EYS: variants seen among roughly 807,000 people sequenced by gnomAD.
EYS encodes the protein protein eyes shut homolog.
A neutral mutation model predicts 282.1 loss-of-function variants in EYS; 250 were observed. That is an observed-to-expected ratio of 0.89 (90% CI 0.80 to 0.98). EYS has a LOEUF of 0.98. Ranked by LOEUF, EYS falls within the 50% of genes least tolerant of loss-of-function variation. The pLI is 0.00. For synonymous variants in EYS, 1,355 were observed against 1,282.9 expected, an observed-to-expected ratio of 1.06 and a Z score of -1.20; for missense variants, 4,016 against 3,709.0, an observed-to-expected ratio of 1.08 and a Z score of -2.15.
At chr6:64,933,901 A>G (rs1163025842) in intron 15 of EYS, among the ~76,000 whole-genome samples, 1 of 152,102 alleles carries the variant, frequency 6.6e-6, no homozygotes, top group Non-Finnish European at 1.5e-5. Flanking sequence ...CAAACACTGC[A>G]TGTTCTCACT....
chr6:64,636,061 A>T (rs1406447197), intron 22 of EYS, among the ~76,000 whole-genome samples: 2 of 152,112 alleles, frequency 1.3e-5, no homozygotes, highest in Admixed American at 6.5e-5. Context: ...GCTATCAATG[A>T]CTTTATTCAC....
At chr6:64,044,423 T>G (rs1334888893) in intron 33 of EYS, among the ~76,000 whole-genome samples, 3 of 152,180 alleles carry the variant, frequency 2.0e-5, no homozygotes, top group Non-Finnish European at 4.4e-5. Flanking sequence ...TAAAATGTGA[T>G]GAAGGCTAAA....
intron 9 of EYS, among the ~76,000 whole-genome samples, chr6:65,348,556 C>G (rs1370435496): frequency 6.6e-6 from 1 of 151,492 alleles, no homozygotes; most frequent in Non-Finnish European, 1.5e-5. Flanking sequence ...TTTCCCATTT[C>G]TAAAAATCAT....
chr6:64,925,606 T>A (rs1768490098), intron 15 of EYS, among the ~76,000 whole-genome samples: 1 of 152,162 alleles, frequency 6.6e-6, no homozygotes, highest in Admixed American at 6.5e-5. Flanking sequence ...GAAGTAGATC[T>A]TAAGGCCAGA....
chr6:64,628,386 T>C (rs557472512), intron 22 of EYS, among the ~76,000 whole-genome samples: 127 of 152,120 alleles, frequency 8.3e-4, no homozygotes, highest in Non-Finnish European at 1.3e-3. Flanking sequence ...CATAAATTGT[T>C]CTTCAAAAAT....
intron 32 of EYS, among the ~76,000 whole-genome samples, chr6:64,081,472 A>C (rs1771965656): frequency 6.6e-6 from 1 of 152,206 alleles, no homozygotes; most frequent in Admixed American, 6.5e-5. Context: ...CTTGATTGTC[A>C]AATGAACCCC....
chr6:65,273,670 C>A (rs1184683687), intron 12 of EYS, among the ~76,000 whole-genome samples: 1 of 152,156 alleles, frequency 6.6e-6, no homozygotes, highest in Non-Finnish European at 1.5e-5. Context: ...GTTTTCCTTG[C>A]AATGCAGCTA....
chr6:65,315,530 A>C (rs1340683327), intron 11 of EYS, among the ~76,000 whole-genome samples: 1 of 151,774 alleles, frequency 6.6e-6, no homozygotes, highest in Admixed American at 6.6e-5. Flanking sequence ...ACTTTCTATA[A>C]ATGAAATCAT....
intron 13 of EYS, among the ~76,000 whole-genome samples, chr6:65,045,412 T>C (rs965551598): frequency 1.3e-5 from 2 of 151,916 alleles, no homozygotes; most frequent in African/African-American, 4.8e-5. Context: ...AATTTTTATG[T>C]TGAAATCTGA....
At chr6:64,534,012 G>T (rs1393111801) in intron 26 of EYS, among the ~76,000 whole-genome samples, 1 of 151,822 alleles carries the variant, frequency 6.6e-6, no homozygotes, top group Non-Finnish European at 1.5e-5. Context: ...AGTTGTTGGG[G>T]CAGGGGTGGG....
intron 13 of EYS, among the ~76,000 whole-genome samples, chr6:65,012,543 A>G (rs921421554): frequency 3.3e-5 from 5 of 152,194 alleles, no homozygotes; most frequent in African/African-American, 1.2e-4. Context: ...GGATAAAGGT[A>G]TAACACAAAG....
chr6:64,052,834 C>A (rs1770855975), intron 33 of EYS, among the ~76,000 whole-genome samples: 1 of 152,096 alleles, frequency 6.6e-6, no homozygotes, highest in Non-Finnish European at 1.5e-5. Flanking sequence ...CTTCTGCCAC[C>A]CTGCGAAGAG....
chr6:64,137,218 G>C (rs975919236), intron 31 of EYS, among the ~76,000 whole-genome samples: 1 of 152,030 alleles, frequency 6.6e-6, no homozygotes, highest in Admixed American at 6.6e-5. Flanking sequence ...TAGAGTTGAA[G>C]AGAGTTAGGC....
chr6:65,680,739 C>A (rs909687135), intron 1 of EYS, among the ~76,000 whole-genome samples: 2 of 151,868 alleles, frequency 1.3e-5, no homozygotes, highest in African/African-American at 4.8e-5. Context: ...CAATTCTCTT[C>A]CGACAGAGGA....
intron 5 of EYS, among the ~76,000 whole-genome samples, chr6:65,419,169 A>G (rs181650700): frequency 2.6e-4 from 40 of 152,106 alleles, no homozygotes; most frequent in African/African-American, 9.1e-4. Context: ...TAAATGTATA[A>G]CTTACGGATG....
chr6:65,696,980 TG>T (rs2149848885), intron 1 of EYS, among the ~76,000 whole-genome samples: 1 of 152,128 alleles, frequency 6.6e-6, no homozygotes, highest in African/African-American at 2.4e-5. Flanking sequence ...GTCTGGTTTT[TG>T]TTAGGATACC....
intron 15 of EYS, among the ~76,000 whole-genome samples, chr6:64,917,618 C>T (rs1768207286): frequency 6.6e-6 from 1 of 152,052 alleles, no homozygotes. Flanking sequence ...TTCAACAAAC[C>T]AATTGTACAT....
chr6:65,284,615 A>G (rs1184470645), intron 12 of EYS, among the ~76,000 whole-genome samples: 1 of 152,082 alleles, frequency 6.6e-6, no homozygotes, highest in Non-Finnish European at 1.5e-5. Flanking sequence ...ATCATCATTC[A>G]TTTTTGGTGT....
intron 41 of EYS, among the ~76,000 whole-genome samples, chr6:63,755,112 T>G (rs1000023729): frequency 6.6e-6 from 1 of 152,200 alleles, no homozygotes; most frequent in East Asian, 1.9e-4. Context: ...ATGGATAGAT[T>G]GACAAAATTT....
Sources: gnomAD v4.1 joint callset for allele counts (sites outside exome capture counted in the v4.1 genomes callset) on GRCh38, gnomAD v4.1.1 for gene constraint, MANE v1.5 for transcripts, NCBI Gene and HGNC (gene_info 2026-07-23, HGNC 2026-07-21) for gene names.